Variants in KIAA0930 observed in about 807,000 individuals in gnomAD.
KIAA0930 encodes KIAA0930.
Under a neutral mutation model 43.9 loss-of-function variants are expected in KIAA0930, and 24 were observed. The ratio of observed to expected loss-of-function variants is 0.55; its 90% CI spans 0.40 to 0.77. The LOEUF (loss-of-function observed/expected upper bound fraction) is 0.77. KIAA0930 is among the 30% of genes least tolerant of loss of function. KIAA0930 has a pLI of 0.00. For missense variants in KIAA0930, 461 were observed against 574.2 expected (o/e 0.80, Z 2.02); for synonymous variants, 259 against 216.4 (o/e 1.20, Z -1.73).
At chr22:45,204,654 A>G (rs992101924) in intron 5 of KIAA0930, among the ~76,000 whole-genome samples, 3 of 151,838 alleles carry the variant, frequency 2.0e-5, no homozygotes, top group African/African-American at 7.3e-5. Flanking sequence ...GGGCCTCAAC[A>G]GAGGAGAGAC....
chr22:45,194,052 C>CTTTT lies in KIAA0930; in HGVS notation c.*3120_*3123dup, dbSNP rs71190644. 2.8e-3 allele frequency: 124 copies of CTTTT among 44,346 alleles called. 32 individuals carry two copies. Among genetic ancestry groups the CTTTT allele is most frequent in the Non-Finnish European group, 3.6e-3 (92 of 25,508 alleles). 2.7% of individuals were successfully genotyped at this position (44,346 alleles called of 1,614,324 possible). On this transcript the variant is annotated 3_prime_UTR_variant, in exon 10 of 10. Coordinates refer to ENST00000336156, the MANE Select transcript of KIAA0930 (RefSeq NM_001009880.2). Reference sequence around the variant, plus strand: ...GGTTTGGGTTTAAAGACCAATGTATCTTTTTTTTTTTTTTTTTTTTTTTTT... The same window carrying CTTTT: ...GGTTTGGGTTTAAAGACCAATGTATCTTTTTTTTTTTTTTTTTTTTTTTTTTTTT...
chr22:45,211,091 G>A (rs140818660), intron 2 of KIAA0930, among the ~76,000 whole-genome samples: 217 of 152,250 alleles, frequency 1.4e-3, no homozygotes, highest in African/African-American at 5.0e-3. Context: ...CATCCCGCGT[G>A]TGTTCAGGCT....
At chr22:45,222,296 C>T (rs903589096) in intron 1 of KIAA0930, among the ~76,000 whole-genome samples, 3 of 146,226 alleles carry the variant, frequency 2.1e-5, no homozygotes, top group African/African-American at 8.4e-5. Flanking sequence ...GAAGAATGAT[C>T]AATCAAACTA....
At position 45,199,922 on chromosome 22, in the gene KIAA0930, C is replaced by A. The variant is rs376397193; in HGVS notation, c.966G>T (p.Ser322=). The change falls in exon 8 of 10, where the codon TCG becomes TCT. Residue 322 remains serine, a synonymous_variant. Coordinates refer to ENST00000336156, the MANE Select transcript of KIAA0930 (RefSeq NM_001009880.2). The part of the protein sequence containing the change: ...PRNRIAEMKK[S]HSANDSEEFF... Reference sequence around the variant, plus strand: ...ACTCCTCGCTGTCGTTGGCCGAGTGCGACTTCTTCATCTCAGCGATCCGGT... The same window carrying A: ...ACTCCTCGCTGTCGTTGGCCGAGTGAGACTTCTTCATCTCAGCGATCCGGT... 3.7e-6 allele frequency: 6 copies of A among 1,606,000 alleles called. No individual in the cohort carries two copies. The highest frequency in any genetic ancestry group is 5.1e-6 in the Non-Finnish European group (6 of 1,175,172).
chr22:45,230,047 G>A (rs1268489142), intron 1 of KIAA0930, among the ~76,000 whole-genome samples: 1 of 152,226 alleles, frequency 6.6e-6, no homozygotes, highest in Non-Finnish European at 1.5e-5. Flanking sequence ...AGTGAGCCGA[G>A]ATTATGCCAC....
chr22:45,232,684 C>T (rs950312386), intron 1 of KIAA0930, among the ~76,000 whole-genome samples: 1 of 152,178 alleles, frequency 6.6e-6, no homozygotes, highest in Non-Finnish European at 1.5e-5. Context: ...AACTGCCCCC[C>T]TACCTTGGGA....
At chr22:45,215,055 T>C (rs11912266) in intron 1 of KIAA0930, among the ~76,000 whole-genome samples, 4,365 of 151,698 alleles carry the variant, frequency 0.029, 232 homozygotes, top group African/African-American at 0.1. Flanking sequence ...CCATGTCTAT[T>C]AAAAATACAA....
rs1239783467 is a variant in KIAA0930, at chr22:45,195,429, A to G, written c.*1747T>C. The G allele has an allele frequency of 6.6e-6, 1 of 152,294 alleles. No individual in the cohort carries two copies. Among genetic ancestry groups the G allele is most frequent in the African/African-American group, 2.4e-5 (1 of 41,480 alleles). The allele number at this position is 152,294 out of a possible 1,614,324, so 9.4% of individuals were successfully genotyped here. ...GCCACATGGACTCAAACTTGGAAGC[A>G]GCATTTGGCATCCCCGGAGAGCACT... On this transcript the variant is annotated 3_prime_UTR_variant, in exon 10 of 10. Coordinates refer to ENST00000336156, the MANE Select transcript of KIAA0930 (RefSeq NM_001009880.2).
chr22:45,238,923 T>C (rs1027651062), intron 1 of KIAA0930, among the ~76,000 whole-genome samples: 6 of 151,914 alleles, frequency 3.9e-5, no homozygotes, highest in African/African-American at 1.5e-4. Context: ...TCTTCATCGC[T>C]GATATGGAGA....
At chr22:45,213,304 A>G in intron 1 of KIAA0930, 1 of 1,302,880 alleles carries the variant, frequency 7.7e-7, no homozygotes, top group Non-Finnish European at 1.0e-6. Context: ...CCCTCTGCCC[A>G]ACAGTGTGTT....
At chr22:45,201,285 C>T (rs991063314) in intron 7 of KIAA0930, among the ~76,000 whole-genome samples, 11 of 152,352 alleles carry the variant, frequency 7.2e-5, no homozygotes, top group African/African-American at 2.6e-4. Flanking sequence ...GCACAGGCGG[C>T]AGTCCCCAGG....
intron 1 of KIAA0930, among the ~76,000 whole-genome samples, chr22:45,239,518 C>A (rs1350252244): frequency 6.6e-6 from 1 of 152,176 alleles, no homozygotes; most frequent in Admixed American, 6.5e-5. Context: ...GCCTCCCATG[C>A]TAAGCCTGCC....
intron 1 of KIAA0930, among the ~76,000 whole-genome samples, chr22:45,234,301 G>A (rs2083872780): frequency 6.6e-6 from 1 of 151,962 alleles, no homozygotes; most frequent in South Asian, 2.1e-4. Context: ...GGGAAGAGGG[G>A]GCCTCTGCTT....
At position 45,203,912 on chromosome 22, in the gene KIAA0930, G is replaced by A. The variant is rs573307587; in HGVS notation, c.590C>T (p.Thr197Met). Residue 197 changes from threonine to methionine, a missense_variant, in exon 6 of 10, where the codon ACG becomes ATG. Physicochemically the swap from Thr to Met is moderately conservative, Grantham distance 81 (BLOSUM62 -1). Coordinates refer to ENST00000336156, the MANE Select transcript of KIAA0930 (RefSeq NM_001009880.2). The part of the protein sequence containing the change: ...VELVASDKTN[T>M]FQGVIFQGSI... ...GCCCTGAAAGATGACCCCCTGGAAC[G>A]TGTTGGTTTTGTCACTAGCCACCAG... 17 of 1,613,778 alleles carry A rather than the reference G, an allele frequency of 1.1e-5. No individual in the cohort carries two copies. Among genetic ancestry groups the A allele is most frequent in the South Asian group, 2.2e-5 (2 of 91,062 alleles).
chr22:45,213,473 A>G, intron 1 of KIAA0930: 1 of 1,216,510 alleles, frequency 8.2e-7, no homozygotes, highest in South Asian at 1.4e-5. Flanking sequence ...AAGACCTCCC[A>G]GGCTCACAGG....
chr22:45,208,847 T>A (rs1025347372), intron 2 of KIAA0930, among the ~76,000 whole-genome samples: 1 of 152,164 alleles, frequency 6.6e-6, no homozygotes. Context: ...GCTTTGGTTT[T>A]CTGAGTGGGT....
intron 8 of KIAA0930, among the ~76,000 whole-genome samples, chr22:45,198,229 G>T (rs1055601657): frequency 1.4e-4 from 21 of 152,204 alleles, no homozygotes; most frequent in African/African-American, 5.1e-4. Flanking sequence ...GTCTCCTCCG[G>T]GGGTTCTGGC....
chr22:45,233,911 G>C (rs1601828282), intron 1 of KIAA0930, among the ~76,000 whole-genome samples: 1 of 152,230 alleles, frequency 6.6e-6, no homozygotes, highest in South Asian at 2.1e-4. Context: ...GGGATCAGAG[G>C]TCCAGAGGGA....
Position 45,203,964 on chromosome 22 carries a change from C to T in KIAA0930, c.538G>A (p.Gly180Arg), listed in dbSNP as rs1271147450. ...TCCACACAGACCATCTCTCCTTCCC[C>T]TACGGTCATGTCGCTGAACACCTGG... ...FEEVFSDMTV[G>R]EGEMVCVELV... The change falls in exon 6 of 10, where the codon GGG becomes AGG. Residue 180 changes from glycine (G) to arginine (R), a missense_variant. Coordinates refer to ENST00000336156, the MANE Select transcript of KIAA0930 (RefSeq NM_001009880.2). 1.2e-6 allele frequency: 2 copies of T among 1,613,944 alleles called. No homozygotes were observed. The highest frequency in any genetic ancestry group is 1.7e-6 in the Non-Finnish European group (2 of 1,179,968).
Sources: gnomAD v4.1 joint callset for allele counts (sites outside exome capture counted in the v4.1 genomes callset) on GRCh38, gnomAD v4.1.1 for gene constraint, MANE v1.5 for transcripts, NCBI Gene and HGNC (gene_info 2026-07-23, HGNC 2026-07-21) for gene names.